The following KIAA1217 variants were observed in gnomAD, a reference collection of about 807,000 sequenced individuals.
KIAA1217 encodes the protein KIAA1217.
A neutral mutation model predicts 163.9 loss-of-function variants in KIAA1217; 88 were observed. That is an observed-to-expected ratio of 0.54 (90% CI 0.45 to 0.64). The LOEUF (loss-of-function observed/expected upper bound fraction) is 0.64. KIAA1217 is among the 30% of genes least tolerant of loss of function. KIAA1217 has a pLI of 0.00. For missense variants in KIAA1217, 2,372 were observed against 2,475.0 expected (o/e 0.96, Z 0.88); for synonymous variants, 903 against 923.1 (o/e 0.98, Z 0.39).
At chr10:24,110,726 A>G (rs1359651182) in intron 2 of KIAA1217, among the ~76,000 whole-genome samples, 3 of 152,256 alleles carry the variant, frequency 2.0e-5, no homozygotes, top group African/African-American at 7.2e-5. Flanking sequence ...ATATTGCCCA[A>G]TGGCAAAACG....
chr10:24,059,847 G>A (rs1329976905), intron 2 of KIAA1217, among the ~76,000 whole-genome samples: 4 of 152,212 alleles, frequency 2.6e-5, no homozygotes, highest in Admixed American at 1.3e-4. Context: ...TTACAGGCGT[G>A]AGCCACTGCG....
intron 5 of KIAA1217, among the ~76,000 whole-genome samples, chr10:24,467,364 A>G (rs2063060189): frequency 6.6e-6 from 1 of 152,176 alleles, no homozygotes; most frequent in African/African-American, 2.4e-5. Context: ...GAACTCAAAT[A>G]ATGAAGAGAC....
At chr10:24,127,537 A>G (rs2063510066) in intron 2 of KIAA1217, among the ~76,000 whole-genome samples, 1 of 152,188 alleles carries the variant, frequency 6.6e-6, no homozygotes, top group Non-Finnish European at 1.5e-5. Context: ...AAATCCTTTT[A>G]CAGCCGGTGT....
intron 2 of KIAA1217, among the ~76,000 whole-genome samples, chr10:24,138,814 T>A (rs1054723863): frequency 1.3e-5 from 2 of 152,178 alleles, no homozygotes; most frequent in East Asian, 3.8e-4. Flanking sequence ...GTTTTTTGTT[T>A]TGCTTTTTAA....
rs539412247 is a variant in KIAA1217, at chr10:23,956,862, C to G, written c.-320-50363C>G. 4.6e-5 allele frequency among the ~76,000 whole-genome samples: 7 copies of G among 152,296 alleles called. No homozygotes were observed. The East Asian group carries it at 1.4e-3, about 30-fold the overall frequency. On this transcript the variant is annotated intron_variant, in intron 1 of 18. Transcript: ENST00000376462. ...ACTCATTACGAGGACAGCATCAAAA[C>G]ATTCATGAAGGATCCATCCCCATCC...
chr10:23,851,124 T>C (rs1839292415), intron 1 of KIAA1217, among the ~76,000 whole-genome samples: 1 of 152,136 alleles, frequency 6.6e-6, no homozygotes. Flanking sequence ...TGACTCGTCA[T>C]TTAGCATTAG....
At chr10:24,521,167 G>A (rs1445257382) in intron 11 of KIAA1217, among the ~76,000 whole-genome samples, 2 of 149,660 alleles carry the variant, frequency 1.3e-5, no homozygotes, top group Non-Finnish European at 3.0e-5. Flanking sequence ...AACCCTGTCT[G>A]TACTAAAAAT....
chr10:23,993,553 C>CTTTTTTTTTTTTTTTTTATT (rs1846320501), intron 1 of KIAA1217, among the ~76,000 whole-genome samples: 1 of 68,956 alleles, frequency 1.5e-5, no homozygotes, highest in Non-Finnish European at 2.4e-5. Context: ...CATAGCCCAG[C>CTTTTTTTTTTTTTTTTTATT]TTTTTTTTTT....
intron 5 of KIAA1217, among the ~76,000 whole-genome samples, chr10:24,461,235 TC>T (rs149796288): frequency 0.077 from 11,732 of 152,278 alleles, 635 homozygotes; most frequent in East Asian, 0.18. Context: ...ATTTTAATTT[TC>T]ATGCTGTAAT....
At chr10:24,115,436 G>A (rs2063014300) in intron 2 of KIAA1217, among the ~76,000 whole-genome samples, 1 of 152,194 alleles carries the variant, frequency 6.6e-6, no homozygotes, top group Non-Finnish European at 1.5e-5. Flanking sequence ...ATACAGGTCA[G>A]CTATTCTGGG....
At chr10:24,415,728 TG>T (rs1564639739) in intron 3 of KIAA1217, among the ~76,000 whole-genome samples, 1 of 152,082 alleles carries the variant, frequency 6.6e-6, no homozygotes, top group African/African-American at 2.4e-5. Flanking sequence ...CTTAGAGAAT[TG>T]GGCCCTTTTC....
intron 2 of KIAA1217, among the ~76,000 whole-genome samples, chr10:24,336,861 C>CA (rs971067678): frequency 6.6e-6 from 1 of 151,928 alleles, no homozygotes; most frequent in Admixed American, 6.6e-5. Flanking sequence ...TATCCACATG[C>CA]AAAAAAATAA....
In KIAA1217 at chr10:24,015,781, GGAAAGAAA is replaced by G. The variant is rs906212777; in HGVS notation, c.-171+8420_-171+8427del. ...AAAAAAAAAAAAGAAAAAGAAAAAA[GGAAAGAAA>G]GAAAGAAAGAAATAGAAACGTAAAA... On this transcript the variant is annotated intron_variant, in intron 2 of 18. Coordinates refer to the KIAA1217 transcript ENST00000376462. 2.7e-5 allele frequency among the ~76,000 whole-genome samples: 4 copies of G among 150,528 alleles called. No individual in the cohort carries two copies. In the East Asian group the frequency reaches 7.9e-4, roughly 30 times the overall value.
chr10:24,400,546 C>A (rs2056402279), intron 3 of KIAA1217, among the ~76,000 whole-genome samples: 1 of 152,086 alleles, frequency 6.6e-6, no homozygotes, highest in South Asian at 2.1e-4. Context: ...TTAAAAGAAG[C>A]CACAGATCCA....
chr10:24,301,513 C>T (rs879382989), intron 2 of KIAA1217, among the ~76,000 whole-genome samples: 3 of 152,118 alleles, frequency 2.0e-5, no homozygotes, highest in South Asian at 2.1e-4. Context: ...CAGGGCCCCA[C>T]GCACCTTCTA....
At chr10:23,986,800 C>G (rs1845989834) in intron 1 of KIAA1217, among the ~76,000 whole-genome samples, 1 of 152,142 alleles carries the variant, frequency 6.6e-6, no homozygotes, top group Non-Finnish European at 1.5e-5. Flanking sequence ...GTGCAGTGTA[C>G]AATACAAGAA....
chr10:24,394,796 A>G (rs1014878124), intron 3 of KIAA1217, among the ~76,000 whole-genome samples: 11 of 152,180 alleles, frequency 7.2e-5, no homozygotes, highest in African/African-American at 2.7e-4. Flanking sequence ...TGCCCATCAG[A>G]GAGCCCTCCA....
intron 1 of KIAA1217, among the ~76,000 whole-genome samples, chr10:23,809,721 G>A (rs1047358262): frequency 2.6e-5 from 4 of 151,798 alleles, no homozygotes; most frequent in African/African-American, 9.7e-5. Flanking sequence ...ATATGTAATG[G>A]CAACAATTAA....
chr10:24,147,116 T>C (rs187122627), intron 2 of KIAA1217, among the ~76,000 whole-genome samples: 75 of 152,202 alleles, frequency 4.9e-4, no homozygotes, highest in Admixed American at 2.2e-3. Flanking sequence ...ACCCTTTCTC[T>C]GTGAATCTAG....
Sources: gnomAD v4.1 joint callset for allele counts (sites outside exome capture counted in the v4.1 genomes callset) on GRCh38, gnomAD v4.1.1 for gene constraint, MANE v1.5 for transcripts, NCBI Gene and HGNC (gene_info 2026-07-23, HGNC 2026-07-21) for gene names.